Variants in NDUFA9 observed in about 807,000 individuals in gnomAD.
NDUFA9 encodes NADH:ubiquinone oxidoreductase subunit A9.
Under a neutral mutation model 45.9 loss-of-function variants are expected in NDUFA9, and 23 were observed. The observed-to-expected ratio is 0.50, with a 90% CI of 0.36 to 0.71. The LOEUF (loss-of-function observed/expected upper bound fraction) is 0.71. Among genes scored for constraint, NDUFA9 ranks in the 30% least tolerant of loss-of-function variants. The pLI is 0.00. For missense variants in NDUFA9, 466 were observed against 488.2 expected (o/e 0.95, Z 0.43); for synonymous variants, 176 against 170.5 (o/e 1.03, Z -0.25).
intron 8 of NDUFA9, among the ~76,000 whole-genome samples, chr12:4,676,196 C>T (rs1202273030): frequency 2.0e-5 from 3 of 152,112 alleles, no homozygotes; most frequent in South Asian, 4.1e-4. Context: ...ACTGATTGGG[C>T]GAAAACTGGA....
At chr12:4,669,658 TCTTTC>T (rs1466179436) in intron 7 of NDUFA9, 78 bp from the exon 8 acceptor site, 1 of 891,658 alleles carries the variant, frequency 1.1e-6, no homozygotes, top group Non-Finnish European at 1.8e-6. Context: ...CTTTTTCTCT[TCTTTC>T]CTTTCTTTCT....
At chr12:4,669,533 A>G (rs1268489906) in intron 7 of NDUFA9, among the ~76,000 whole-genome samples, 1 of 152,176 alleles carries the variant, frequency 6.6e-6, no homozygotes, top group Non-Finnish European at 1.5e-5. Context: ...AGCTCTTGAG[A>G]AGGCTCATTC....
At chr12:4,663,120 T>C (rs1248315653) in intron 6 of NDUFA9, among the ~76,000 whole-genome samples, 3 of 152,222 alleles carry the variant, frequency 2.0e-5, no homozygotes, top group Non-Finnish European at 4.4e-5. Flanking sequence ...CTTAGCAATA[T>C]GCATTTAAGG....
rs184968750 is a variant in NDUFA9 at position 4,691,041 on chromosome 12, C to T, written c.*3933C>T. 1 of 152,176 alleles carries T rather than the reference C, an allele frequency of 6.6e-6. No individual in the cohort carries two copies. Among genetic ancestry groups the T allele is most frequent in the East Asian group, 1.9e-4 (1 of 5,174 alleles). The allele number at this position is 152,176 out of a possible 1,614,324, so 9.4% of individuals were successfully genotyped here. On this transcript the variant is annotated 3_prime_UTR_variant, in exon 11 of 11. Coordinates refer to ENST00000266544, the MANE Select transcript of NDUFA9 (RefSeq NM_005002.5). Reference sequence around the variant, plus strand: ...TTTAACCTTTACCTTGGAGGTGATGCAGAGCAGTTGAGTTCCATACAGATT... The same window carrying T: ...TTTAACCTTTACCTTGGAGGTGATGTAGAGCAGTTGAGTTCCATACAGATT...
chr12:4,683,654 G>A (rs1274758590), intron 9 of NDUFA9, among the ~76,000 whole-genome samples: 1 of 152,238 alleles, frequency 6.6e-6, no homozygotes, highest in African/African-American at 2.4e-5. Context: ...AGGAGAGTAT[G>A]TGGAGTGAGT....
intron 6 of NDUFA9, among the ~76,000 whole-genome samples, chr12:4,664,389 C>G (rs962792845): frequency 3.3e-5 from 5 of 152,246 alleles, no homozygotes; most frequent in African/African-American, 1.2e-4. Context: ...TTCTGATATC[C>G]TACAGGACCA....
chr12:4,659,565 A>C (rs1346086967), intron 5 of NDUFA9, among the ~76,000 whole-genome samples: 2 of 152,174 alleles, frequency 1.3e-5, no homozygotes, highest in East Asian at 3.9e-4. Context: ...GTTTTGTGCC[A>C]CTCTTAAAGG....
In NDUFA9 at chr12:4,657,795, C is replaced by T. The variant is rs1225014512; in HGVS notation, c.366C>T (p.His122=). ...ATTCTATCCGACGAGTAGTACAACACAGCAATGTGGTCATCAATCTTATTG... is the reference window on the plus strand; with the variant it reads ...ATTCTATCCGACGAGTAGTACAACATAGCAATGTGGTCATCAATCTTATTG... ...DKDSIRRVVQ[H]SNVVINLIGR... Residue 122 remains histidine, a synonymous_variant, in exon 4 of 11, where the codon CAC becomes CAT. Coordinates refer to ENST00000266544, the MANE Select transcript of NDUFA9 (RefSeq NM_005002.5). 1 of 1,613,658 alleles carries T rather than the reference C, an allele frequency of 6.2e-7. No individual in the cohort carries two copies. Among genetic ancestry groups the T allele is most frequent in the Non-Finnish European group, 8.5e-7 (1 of 1,179,712 alleles).
chr12:4,655,076 A>G lies in NDUFA9; in HGVS notation c.318+154A>G, dbSNP rs1392109952. 17 of 599,442 alleles carry G rather than the reference A, an allele frequency of 2.8e-5. 1 individual carries two copies. The highest frequency in any genetic ancestry group is 4.3e-5 in the Non-Finnish European group (15 of 352,048). The allele number at this position is 599,442 out of a possible 1,614,324, so 37.1% of individuals were successfully genotyped here. A position where few individuals can be genotyped will look rare whatever the true frequency, so the allele number is the denominator to read the frequency against. Reference sequence around the variant, plus strand: ...GTCATTCTTTCAGCTAGGTTCCGGCATCTCCTTTGTCATGCAAGCTCTAGA... The same window carrying G: ...GTCATTCTTTCAGCTAGGTTCCGGCGTCTCCTTTGTCATGCAAGCTCTAGA... On this transcript the variant is annotated intron_variant, in intron 3 of 10. Transcript: ENST00000266544.
chr12:4,671,309 G>A (rs1017353003), intron 8 of NDUFA9, among the ~76,000 whole-genome samples: 2 of 152,058 alleles, frequency 1.3e-5, no homozygotes, highest in East Asian at 1.9e-4. Context: ...GCAAAATCAC[G>A]ATGTATAAGA....
At chr12:4,675,080 G>GA in intron 8 of NDUFA9, among the ~76,000 whole-genome samples, 1 of 152,318 alleles carries the variant, frequency 6.6e-6, no homozygotes, top group African/African-American at 2.4e-5. Flanking sequence ...GCTAAATAAT[G>GA]AAATGAAGGC....
intron 1 of NDUFA9, among the ~76,000 whole-genome samples, chr12:4,651,270 T>G (rs372110415): frequency 6.6e-6 from 1 of 152,156 alleles, no homozygotes; most frequent in Non-Finnish European, 1.5e-5. Flanking sequence ...ATATAATTAA[T>G]AAAGAATATC....
chr12:4,662,130 A>G (rs1311694429), intron 5 of NDUFA9, among the ~76,000 whole-genome samples: 1 of 152,236 alleles, frequency 6.6e-6, no homozygotes, highest in South Asian at 2.1e-4. Context: ...TCCTTTGGAT[A>G]TGTAGGTACT....
intron 9 of NDUFA9, chr12:4,684,993 T>A: frequency 1.7e-6 from 1 of 603,182 alleles, no homozygotes; most frequent in Non-Finnish European, 3.0e-6. Context: ...TTGTTGGTTT[T>A]ATTTCATTTT....
intron 8 of NDUFA9, 34 bp from the exon 9 acceptor site, chr12:4,682,170 TG>T: frequency 2.7e-6 from 4 of 1,461,734 alleles, no homozygotes; most frequent in Non-Finnish European, 3.8e-6. Context: ...GTGAGAAGCG[TG>T]TAATTGAAAG....
intron 5 of NDUFA9, among the ~76,000 whole-genome samples, chr12:4,661,598 A>G (rs1188125380): frequency 1.3e-5 from 2 of 151,856 alleles, no homozygotes; most frequent in Non-Finnish European, 2.9e-5. Context: ...GGTAGTTTAC[A>G]ATATTGGCAA....
intron 6 of NDUFA9, among the ~76,000 whole-genome samples, chr12:4,668,101 T>G (rs925838678): frequency 1.3e-5 from 2 of 152,166 alleles, no homozygotes; most frequent in African/African-American, 4.8e-5. Context: ...ATCTGCCATA[T>G]CAACAGATGA....
At chr12:4,667,071 A>G (rs1048249619) in intron 6 of NDUFA9, among the ~76,000 whole-genome samples, 5 of 152,186 alleles carry the variant, frequency 3.3e-5, no homozygotes, top group African/African-American at 1.2e-4. Flanking sequence ...TGGGAATCTC[A>G]AGATCCAGGT....
In NDUFA9 at chr12:4,690,834, C is replaced by T. The variant is rs894500365; in HGVS notation, c.*3726C>T. 5.3e-5 allele frequency: 8 copies of T among 152,050 alleles called. No individual in the cohort carries two copies. Among genetic ancestry groups the T allele is most frequent in the African/African-American group, 9.7e-5 (4 of 41,396 alleles). The allele number at this position is 152,050 out of a possible 1,614,324, so 9.4% of individuals were successfully genotyped here. ...GGATTAGCAAAAACTCCATAGAAAA[C>T]GGATTTTTAAAGCTGCATCTTGATG... On this transcript the variant is annotated 3_prime_UTR_variant, in exon 11 of 11. Coordinates refer to ENST00000266544, the MANE Select transcript of NDUFA9 (RefSeq NM_005002.5).
Sources: gnomAD v4.1 joint callset for allele counts (sites outside exome capture counted in the v4.1 genomes callset) on GRCh38, gnomAD v4.1.1 for gene constraint, MANE v1.5 for transcripts, NCBI Gene and HGNC (gene_info 2026-07-23, HGNC 2026-07-21) for gene names.